Variants in USH2A observed in about 807,000 individuals in gnomAD.
USH2A encodes Usher syndrome 2A (autosomal recessive, mild).
In USH2A, 443 loss-of-function variants were observed where a neutral mutation model predicts 538.9. The ratio of observed to expected loss-of-function variants is 0.82; its 90% CI spans 0.76 to 0.89. USH2A has a LOEUF of 0.89. Ranked by LOEUF, USH2A falls within the 40% of genes least tolerant of loss-of-function variation. The pLI is 0.00. For synonymous variants in USH2A, 2,413 were observed against 2,273.5 expected, an observed-to-expected ratio of 1.06 and a Z score of -1.75; for missense variants, 6,633 against 6,324.8, an observed-to-expected ratio of 1.05 and a Z score of -1.65.
At chr1:215,719,936 A>T (rs1659603998) in intron 61 of USH2A, among the ~76,000 whole-genome samples, 2 of 152,174 alleles carry the variant, frequency 1.3e-5, no homozygotes, top group Admixed American at 1.3e-4. Context: ...AAGAGAGAGG[A>T]CTCAAAAATG....
chr1:215,893,875 T>C (rs1233904110), intron 40 of USH2A, among the ~76,000 whole-genome samples: 2 of 152,158 alleles, frequency 1.3e-5, no homozygotes, highest in Non-Finnish European at 2.9e-5. Context: ...TTCCTTTTGA[T>C]CTTACATTAT....
At chr1:215,751,434 G>A (rs1660617347) in intron 58 of USH2A, among the ~76,000 whole-genome samples, 1 of 152,092 alleles carries the variant, frequency 6.6e-6, no homozygotes, top group South Asian at 2.1e-4. Context: ...CAATGGCATT[G>A]TTAATTAGAA....
intron 3 of USH2A, among the ~76,000 whole-genome samples, chr1:216,381,363 G>T (rs2038919643): frequency 6.6e-6 from 1 of 152,158 alleles, no homozygotes; most frequent in East Asian, 1.9e-4. Flanking sequence ...TCTTGAACAT[G>T]TTGCTAAGGG....
chr1:215,641,737 C>T (rs962501570), intron 67 of USH2A, among the ~76,000 whole-genome samples: 1 of 152,096 alleles, frequency 6.6e-6, no homozygotes. Flanking sequence ...CTTTAAAAAT[C>T]AATCCATCTA....
intron 32 of USH2A, among the ~76,000 whole-genome samples, chr1:216,036,674 A>G (rs2029994316): frequency 6.6e-6 from 1 of 152,174 alleles, no homozygotes; most frequent in African/African-American, 2.4e-5. Context: ...AATTGCACAG[A>G]TGAAGCATTT....
intron 61 of USH2A, among the ~76,000 whole-genome samples, chr1:215,710,017 C>T (rs998368473): frequency 1.3e-5 from 2 of 152,164 alleles, no homozygotes; most frequent in Non-Finnish European, 1.5e-5. Context: ...TGCTGTGTTA[C>T]TTACAAGATT....
At chr1:215,975,939 T>G (rs756940030) in intron 35 of USH2A, among the ~76,000 whole-genome samples, 6 of 152,212 alleles carry the variant, frequency 3.9e-5, no homozygotes, top group Non-Finnish European at 8.8e-5. Flanking sequence ...TATTGATTCT[T>G]CCACTTCATG....
chr1:216,126,227 GT>G (rs2033251466), intron 21 of USH2A, among the ~76,000 whole-genome samples: 5 of 70,776 alleles, frequency 7.1e-5, no homozygotes, highest in African/African-American at 1.8e-4. Flanking sequence ...TTGTTGTTTT[GT>G]TTTTGTTTTT....
chr1:216,097,037 C>T (rs765237821), intron 22 of USH2A, 46 bp downstream of exon 22: 1 of 1,545,812 alleles, frequency 6.5e-7, no homozygotes, highest in South Asian at 1.2e-5. Context: ...GTACCAGGCA[C>T]CTACTAAATT....
chr1:215,912,489 ATG>A (rs1221476249), intron 38 of USH2A, among the ~76,000 whole-genome samples: 327 of 21,836 alleles, frequency 0.015, 3 homozygotes, highest in Middle Eastern at 0.056. Context: ...ATATATATAT[ATG>A]TGTATATATA....
chr1:215,641,942 A>T (rs1265406324), intron 67 of USH2A, among the ~76,000 whole-genome samples: 1 of 152,152 alleles, frequency 6.6e-6, no homozygotes, highest in Admixed American at 6.5e-5. Context: ...TCCAACATTG[A>T]TTCTGCCTGA....
intron 61 of USH2A, 107 bp from the exon 62 acceptor site, chr1:215,680,483 CA>C: frequency 9.5e-7 from 1 of 1,048,972 alleles, no homozygotes; most frequent in South Asian, 1.3e-5. Context: ...TAGGCAACAG[CA>C]GCGCAAACAC....
chr1:216,323,690 G>T lies in USH2A; in HGVS notation c.1334C>A (p.Thr445Asn). The T allele has an allele frequency of 6.2e-7, 1 of 1,613,246 alleles. No individual in the cohort carries two copies. Among genetic ancestry groups the T allele is most frequent in the Non-Finnish European group, 8.5e-7 (1 of 1,179,500 alleles). ...TGTGACATTGCCACGGGAATATGGA[G>T]TAAAACTGTTAATGAAAGAAATTCG... ...SVNCLQLSNF[T>N]PYSRGNVTFS... The change falls in exon 8 of 72, where the codon ACT (threonine) becomes AAT (asparagine). Residue 445 changes from threonine (T) to asparagine (N), a missense_variant. By Grantham distance (65) the Thr-to-Asn change is moderately conservative (BLOSUM62 0). Coordinates refer to ENST00000307340, the MANE Select transcript of USH2A (RefSeq NM_206933.4).
At chr1:215,682,495 A>G (rs1358400973) in intron 61 of USH2A, among the ~76,000 whole-genome samples, 1 of 152,154 alleles carries the variant, frequency 6.6e-6, no homozygotes, top group Non-Finnish European at 1.5e-5. Context: ...GTCATCCAAC[A>G]CACTCCAGGC....
chr1:215,895,516 A>T (rs925740418), intron 40 of USH2A, among the ~76,000 whole-genome samples: 5 of 152,190 alleles, frequency 3.3e-5, no homozygotes, highest in African/African-American at 1.2e-4. Context: ...CTAGATTTCA[A>T]TTGACCTCAC....
chr1:215,862,370 C>T (rs763733656), intron 44 of USH2A, among the ~76,000 whole-genome samples: 11 of 151,608 alleles, frequency 7.3e-5, no homozygotes, highest in Non-Finnish European at 1.2e-4. Flanking sequence ...ACAATGAGAA[C>T]ACTAGGACAC....
chr1:215,691,497 G>T (rs905467830), intron 61 of USH2A, among the ~76,000 whole-genome samples: 10 of 152,126 alleles, frequency 6.6e-5, no homozygotes, highest in Non-Finnish European at 1.2e-4. Flanking sequence ...GCATAGGTTT[G>T]CATGAGTAAC....
chr1:215,695,433 C>G (rs1658773244), intron 61 of USH2A, among the ~76,000 whole-genome samples: 1 of 151,886 alleles, frequency 6.6e-6, no homozygotes, highest in African/African-American at 2.4e-5. Flanking sequence ...TAAAAATAAA[C>G]AATTATAGAG....
At chr1:215,906,639 C>T (rs896566952) in intron 38 of USH2A, among the ~76,000 whole-genome samples, 2 of 151,928 alleles carry the variant, frequency 1.3e-5, no homozygotes, top group Non-Finnish European at 2.9e-5. Flanking sequence ...AGGTCATATT[C>T]TTAAACAGTA....
Sources: allele counts gnomAD v4.1 joint callset (sites outside exome capture counted in the v4.1 genomes callset), GRCh38; gene constraint gnomAD v4.1.1; transcripts MANE v1.5; gene names NCBI Gene and HGNC (gene_info 2026-07-23, HGNC 2026-07-21).